Variants in SUCLA2 observed in about 807,000 individuals in gnomAD.
SUCLA2 encodes the protein succinate--CoA ligase [ADP-forming] subunit beta, mitochondrial.
Under a neutral mutation model 54.8 loss-of-function variants are expected in SUCLA2, and 30 were observed. The ratio of observed to expected loss-of-function variants is 0.55; its 90% CI spans 0.41 to 0.74. SUCLA2 has a LOEUF of 0.74. Among genes scored for constraint, SUCLA2 ranks in the 30% least tolerant of loss-of-function variants. The probability of loss-of-function intolerance (pLI) is 0.00; values close to 1 mark genes in which losing one functional copy is unlikely to be tolerated. For missense variants in SUCLA2, 476 were observed against 562.9 expected (o/e 0.85, Z 1.56); for synonymous variants, 172 against 188.9 (o/e 0.91, Z 0.74).
At chr13:47,963,340 A>T (rs1949887473) in intron 6 of SUCLA2, among the ~76,000 whole-genome samples, 1 of 152,176 alleles carries the variant, frequency 6.6e-6, no homozygotes, top group South Asian at 2.1e-4. Context: ...AAATTTGGAG[A>T]TTTTTAAAAA....
At chr13:47,952,978 T>A (rs1949788366) in intron 8 of SUCLA2, among the ~76,000 whole-genome samples, 1 of 152,170 alleles carries the variant, frequency 6.6e-6, no homozygotes, top group Admixed American at 6.5e-5. Flanking sequence ...GCCACCCTGA[T>A]TCTCCCAGTT....
intron 6 of SUCLA2, among the ~76,000 whole-genome samples, chr13:47,960,849 G>A (rs1472126272): frequency 6.6e-6 from 1 of 152,138 alleles, no homozygotes; most frequent in African/African-American, 2.4e-5. Flanking sequence ...GCTTTTATGA[G>A]ACACAGGGCC....
rs1362554599 is a variant in SUCLA2, at chr13:47,972,510, A to T, written c.663+754T>A. Among the ~76,000 whole-genome samples, 3 of 151,338 alleles carry T rather than the reference A, an allele frequency of 2.0e-5. No homozygotes were observed. In the South Asian group the frequency reaches 6.3e-4, roughly 32 times the overall value. On this transcript the variant is annotated intron_variant, in intron 5 of 10. Transcript: ENST00000646932. ...AAGATGAAACTCCATCTCTACTAAA[A>T]ACAAAAAAATTAGCCAGGTGTGTTG...
intron 5 of SUCLA2, 64 bp from the exon 6 acceptor site, chr13:47,968,797 T>G: frequency 6.4e-7 from 1 of 1,551,614 alleles, no homozygotes; most frequent in South Asian, 1.2e-5. Context: ...TTACTATAAA[T>G]AAAAAGCCTT....
chr13:47,970,836 G>C (rs1359000188), intron 5 of SUCLA2, among the ~76,000 whole-genome samples: 1 of 151,922 alleles, frequency 6.6e-6, no homozygotes, highest in Non-Finnish European at 1.5e-5. Flanking sequence ...CTCCAGTCTG[G>C]GCAACAGAGC....
chr13:47,953,116 G>A (rs1243859064), intron 8 of SUCLA2, among the ~76,000 whole-genome samples: 1 of 152,060 alleles, frequency 6.6e-6, no homozygotes, highest in Non-Finnish European at 1.5e-5. Flanking sequence ...CAAAATATAT[G>A]GCCACTTCAA....
At chr13:47,949,645 TTTAAG>T (rs764144091) in intron 8 of SUCLA2, 42 bp from the exon 9 acceptor site, 45 of 1,602,856 alleles carry the variant, frequency 2.8e-5, no homozygotes, top group East Asian at 1.1e-4. Flanking sequence ...TTAAAAGAAA[TTTAAG>T]TTCTTTTCCC....
In SUCLA2 at chr13:47,943,242, ATGTT is replaced by A; in HGVS notation, c.*125_*128del. The A allele has an allele frequency of 1.1e-6, 1 of 912,320 alleles. No individual in the cohort carries two copies. Among genetic ancestry groups the A allele is most frequent in the Non-Finnish European group, 1.8e-6 (1 of 545,944 alleles). The allele number at this position is 912,320 out of a possible 1,614,324, so 56.5% of individuals were successfully genotyped here. ...TTAAATGCAGTCCAAATCCTTTTAAATGTTTGTGTGCCTAGATGGCAATTACAAT... is the reference window on the plus strand; with the variant it reads ...TTAAATGCAGTCCAAATCCTTTTAAATGTGTGCCTAGATGGCAATTACAAT... On this transcript the variant is annotated 3_prime_UTR_variant, in exon 11 of 11. Transcript: ENST00000646932.
intron 5 of SUCLA2, among the ~76,000 whole-genome samples, chr13:47,972,872 C>A (rs1172701895): frequency 1.3e-5 from 2 of 150,352 alleles, no homozygotes; most frequent in Admixed American, 6.6e-5. Context: ...CTCAGCCTCC[C>A]GAGTAGCTGG....
chr13:47,944,417 C>A (rs1723645133), intron 10 of SUCLA2, among the ~76,000 whole-genome samples: 1 of 152,076 alleles, frequency 6.6e-6, no homozygotes, highest in Admixed American at 6.6e-5. Flanking sequence ...TTCACTTTTA[C>A]CTCTCATGAT....
At chr13:47,991,694 A>C (rs1950150313) in intron 2 of SUCLA2, 1 of 152,232 alleles carries the variant, frequency 6.6e-6, no homozygotes, top group South Asian at 2.1e-4. Context: ...TGTTGAAAAA[A>C]AGGAACATTT....
At chr13:47,996,460 A>G (rs1950192239) in intron 2 of SUCLA2, among the ~76,000 whole-genome samples, 1 of 151,960 alleles carries the variant, frequency 6.6e-6, no homozygotes, top group African/African-American at 2.4e-5. Flanking sequence ...ACCTCTCCTT[A>G]TAAGCACATA....
intron 10 of SUCLA2, among the ~76,000 whole-genome samples, chr13:47,943,918 G>T (rs768034604): frequency 6.6e-6 from 1 of 151,644 alleles, no homozygotes; most frequent in Non-Finnish European, 1.5e-5. Flanking sequence ...TAGAAATTTG[G>T]GTCTACTAGT....
intron 4 of SUCLA2, among the ~76,000 whole-genome samples, chr13:47,981,673 G>A (rs553013440): frequency 1.1e-4 from 17 of 152,256 alleles, no homozygotes; most frequent in Non-Finnish European, 1.6e-4. Flanking sequence ...AAAACTAGCC[G>A]GGCATGGTGG....
At chr13:47,949,710 A>G (rs1465942093) in intron 8 of SUCLA2, 107 bp from the exon 9 acceptor site, 1 of 1,185,352 alleles carries the variant, frequency 8.4e-7, no homozygotes, top group Non-Finnish European at 1.2e-6. Flanking sequence ...CTTGATAGAA[A>G]GATTTTCAGA....
intron 1 of SUCLA2, among the ~76,000 whole-genome samples, chr13:47,999,354 C>A (rs898136269): frequency 2.6e-5 from 4 of 151,998 alleles, no homozygotes; most frequent in Non-Finnish European, 5.9e-5. Flanking sequence ...CTATTTTCAA[C>A]GAAGGTACAC....
rs183175243 is a variant in SUCLA2, at chr13:47,954,105, A to G, written c.1107+35T>C. On this transcript the variant is annotated intron_variant, in intron 8 of 10. Coordinates refer to ENST00000646932, the MANE Select transcript of SUCLA2 (RefSeq NM_003850.3). ...TTATAAGTATTTATTTTATATATTT[A>G]CATGATATAAAAATATATCAAGCCC... The G allele has an allele frequency of 2.1e-5, 32 of 1,514,800 alleles. No homozygotes were observed. In the Admixed American group the frequency reaches 4.7e-4, roughly 22 times the overall value. 93.8% of individuals were successfully genotyped at this position (1,514,800 alleles called of 1,614,324 possible).
chr13:47,959,425 A>T (rs985951223), intron 6 of SUCLA2, among the ~76,000 whole-genome samples: 1 of 139,126 alleles, frequency 7.2e-6, no homozygotes, highest in African/African-American at 2.6e-5. Context: ...AGGGAGAAGG[A>T]GGAGGGAGAA....
intron 5 of SUCLA2, among the ~76,000 whole-genome samples, chr13:47,970,424 C>T (rs564626306): frequency 2.0e-5 from 3 of 152,270 alleles, no homozygotes; most frequent in Admixed American, 2.0e-4. Flanking sequence ...ATCTAAATTT[C>T]ACTCTCCAGT....
Sources: allele counts gnomAD v4.1 joint callset (sites outside exome capture counted in the v4.1 genomes callset), GRCh38; gene constraint gnomAD v4.1.1; transcripts MANE v1.5; gene names NCBI Gene and HGNC (gene_info 2026-07-23, HGNC 2026-07-21).